Variants in FOXP1 observed in about 807,000 individuals in gnomAD.
FOXP1 encodes the protein forkhead box protein P1.
A neutral mutation model predicts 98.2 loss-of-function variants in FOXP1; 15 were observed. The ratio of observed to expected loss-of-function variants is 0.15; its 90% CI spans 0.10 to 0.24. The LOEUF is 0.24. FOXP1 is among the 10% of genes least tolerant of loss of function. The pLI is 1.00. For missense variants in FOXP1, 633 were observed against 848.5 expected (o/e 0.75, Z 3.15); for synonymous variants, 371 against 314.5 (o/e 1.18, Z -1.90).
intron 11 of FOXP1, among the ~76,000 whole-genome samples, chr3:71,027,765 C>T (rs1393887748): frequency 6.6e-6 from 1 of 152,026 alleles, no homozygotes; most frequent in Non-Finnish European, 1.5e-5. Context: ...CTCTTAGCCA[C>T]CAATTTTTAT....
chr3:71,220,038 C>G (rs888863018), intron 5 of FOXP1, among the ~76,000 whole-genome samples: 3 of 152,186 alleles, frequency 2.0e-5, no homozygotes, highest in African/African-American at 7.2e-5. Flanking sequence ...CACCTCTAGC[C>G]ATGAAAGTTT....
At chr3:71,211,581 T>G (rs1027585474) in intron 5 of FOXP1, among the ~76,000 whole-genome samples, 4 of 152,180 alleles carry the variant, frequency 2.6e-5, no homozygotes, top group Non-Finnish European at 4.4e-5. Context: ...AAAGTTTTAT[T>G]TTTAAAAAAG....
At chr3:71,194,079 C>G (rs2063160245) in intron 6 of FOXP1, among the ~76,000 whole-genome samples, 1 of 152,168 alleles carries the variant, frequency 6.6e-6, no homozygotes, top group Non-Finnish European at 1.5e-5. Context: ...AAACACTTTG[C>G]TTATCCACAC....
chr3:71,288,140 A>G (rs2072365701), intron 5 of FOXP1, among the ~76,000 whole-genome samples: 1 of 152,114 alleles, frequency 6.6e-6, no homozygotes, highest in Admixed American at 6.5e-5. Context: ...TCGGCCTCCC[A>G]AAGTGCTGGG....
At chr3:71,525,487 T>C (rs1336318494) in intron 2 of FOXP1, among the ~76,000 whole-genome samples, 2 of 152,196 alleles carry the variant, frequency 1.3e-5, no homozygotes, top group Non-Finnish European at 2.9e-5. Flanking sequence ...ACTGGATTTG[T>C]GGCCCTAGGA....
At chr3:71,276,639 T>C (rs1413027722) in intron 5 of FOXP1, among the ~76,000 whole-genome samples, 1 of 152,202 alleles carries the variant, frequency 6.6e-6, no homozygotes, top group Admixed American at 6.5e-5. Flanking sequence ...AAACAATAAC[T>C]GTATATATGC....
chr3:71,407,867 A>G (rs1240078072), intron 3 of FOXP1, among the ~76,000 whole-genome samples: 1 of 152,174 alleles, frequency 6.6e-6, no homozygotes, highest in Non-Finnish European at 1.5e-5. Flanking sequence ...GTGTTCGTAC[A>G]AGAATTATCT....
At chr3:71,070,249 A>G (rs140049664) in intron 7 of FOXP1, among the ~76,000 whole-genome samples, 147 of 152,244 alleles carry the variant, frequency 9.7e-4, no homozygotes, top group Non-Finnish European at 1.6e-3. Context: ...ACATTCGTCT[A>G]CTCTATTGCC....
chr3:71,008,525 T>C (rs2043096674), intron 12 of FOXP1, among the ~76,000 whole-genome samples: 1 of 152,112 alleles, frequency 6.6e-6, no homozygotes, highest in Admixed American at 6.6e-5. Context: ...GAGCACCTGC[T>C]GCTATCAGTT....
intron 5 of FOXP1, among the ~76,000 whole-genome samples, chr3:71,241,722 T>C (rs576293866): frequency 2.6e-5 from 4 of 152,334 alleles, no homozygotes; most frequent in Non-Finnish European, 5.9e-5. Flanking sequence ...ATGAGATTAC[T>C]CTCAGCTTAA....
At chr3:71,069,658 G>A (rs777621514) in intron 7 of FOXP1, among the ~76,000 whole-genome samples, 1 of 152,084 alleles carries the variant, frequency 6.6e-6, no homozygotes, top group Non-Finnish European at 1.5e-5. Context: ...CCACCACCAA[G>A]TGTAATTTGT....
At chr3:71,032,644 C>T (rs1202416870) in intron 11 of FOXP1, among the ~76,000 whole-genome samples, 1 of 152,156 alleles carries the variant, frequency 6.6e-6, no homozygotes, top group African/African-American at 2.4e-5. Flanking sequence ...GTAGCTCCCT[C>T]GGAAAGACCT....
intron 5 of FOXP1, among the ~76,000 whole-genome samples, chr3:71,208,236 A>G (rs2064191523): frequency 6.6e-6 from 1 of 152,168 alleles, no homozygotes; most frequent in Non-Finnish European, 1.5e-5. Context: ...ATAGTACTAG[A>G]CTTTTTCTCC....
chr3:71,512,162 A>C (rs148316250), intron 2 of FOXP1, among the ~76,000 whole-genome samples: 14 of 152,284 alleles, frequency 9.2e-5, no homozygotes, highest in African/African-American at 3.4e-4. Flanking sequence ...AATTAAGTGG[A>C]GGGGAACCAG....
chr3:71,426,004 G>T lies in FOXP1; in HGVS notation c.-167-66760C>A, dbSNP rs563331568. On this transcript the variant is annotated intron_variant, in intron 3 of 20. Coordinates refer to ENST00000649528, the MANE Select transcript of FOXP1 (RefSeq NM_001349338.3). ...TTTGACTAACATGCTGGCTCATCCA[G>T]GTCTCTGCCCAGGACTGAAAATACC... Among the ~76,000 whole-genome samples the T allele has an allele frequency of 2.6e-5, 4 of 152,272 alleles. No homozygotes were observed. The South Asian group carries it at 8.3e-4, about 32-fold the overall frequency.
At chr3:71,245,589 G>C (rs1429271763) in intron 5 of FOXP1, among the ~76,000 whole-genome samples, 3 of 107,898 alleles carry the variant, frequency 2.8e-5, no homozygotes, top group African/African-American at 3.7e-5. Context: ...TTTCTCTGAA[G>C]GTTAAAATTA....
At chr3:71,469,025 G>A (rs2089065083) in intron 3 of FOXP1, among the ~76,000 whole-genome samples, 2 of 152,180 alleles carry the variant, frequency 1.3e-5, no homozygotes, top group South Asian at 4.1e-4. Flanking sequence ...CCGGCGCTGG[G>A]TGTTGCCTTG....
intron 2 of FOXP1, among the ~76,000 whole-genome samples, chr3:71,576,128 T>C (rs748194211): frequency 1.3e-5 from 2 of 152,226 alleles, no homozygotes; most frequent in Non-Finnish European, 2.9e-5. Flanking sequence ...AATTGTCCTA[T>C]AACATGCTAG....
At chr3:71,210,504 T>A (rs1447991460) in intron 5 of FOXP1, among the ~76,000 whole-genome samples, 2 of 152,164 alleles carry the variant, frequency 1.3e-5, no homozygotes, top group Admixed American at 1.3e-4. Context: ...CTGATGGACA[T>A]GCAGGGAAGA....
Sources: allele counts gnomAD v4.1 joint callset (sites outside exome capture counted in the v4.1 genomes callset), GRCh38; gene constraint gnomAD v4.1.1; transcripts MANE v1.5; gene names NCBI Gene and HGNC (gene_info 2026-07-23, HGNC 2026-07-21).